Variants in C12orf56 observed in about 807,000 individuals in gnomAD.
C12orf56 encodes uncharacterized protein C12orf56.
Under a neutral mutation model 69.9 loss-of-function variants are expected in C12orf56, and 71 were observed. The ratio of observed to expected loss-of-function variants is 1.02; its 90% confidence interval spans 0.84 to 1.24. The LOEUF (loss-of-function observed/expected upper bound fraction) is 1.24, where lower values mean the gene tolerates loss of function less well. Ranked by LOEUF, C12orf56 falls within the 50% of genes most tolerant of loss-of-function variation. The probability of loss-of-function intolerance (pLI) is 0.00; values close to 1 mark genes in which losing one functional copy is unlikely to be tolerated. For synonymous variants in C12orf56, 276 were observed against 274.1 expected (o/e 1.01, Z -0.07); for missense variants, 732 against 738.5 (o/e 0.99, Z 0.10).
At chr12:64,338,522 G>T in intron 2 of C12orf56, 1 of 1,208,142 alleles carries the variant, frequency 8.3e-7, no homozygotes, top group Non-Finnish European at 1.2e-6. Context: ...CAAACCTGTG[G>T]TAAGGTCATC....
chr12:64,343,180 G>T, intron 2 of C12orf56, among the ~76,000 whole-genome samples: 1 of 152,152 alleles, frequency 6.6e-6, no homozygotes, highest in South Asian at 2.1e-4. Flanking sequence ...ATCTCGACAG[G>T]CCCCACACCA....
chr12:64,330,039 C>T (rs1313302190), intron 3 of C12orf56, among the ~76,000 whole-genome samples: 1 of 152,042 alleles, frequency 6.6e-6, no homozygotes, highest in Non-Finnish European at 1.5e-5. Context: ...TGGGTATATA[C>T]CCAGTAATGG....
chr12:64,383,738 G>T (rs1002430530), intron 1 of C12orf56, among the ~76,000 whole-genome samples: 11 of 151,780 alleles, frequency 7.2e-5, no homozygotes, highest in Admixed American at 5.9e-4. Flanking sequence ...AAAAAAAAAT[G>T]ATTAAAAAAA....
chr12:64,320,538 C>CT (rs372470158), intron 3 of C12orf56, among the ~76,000 whole-genome samples: 3 of 152,184 alleles, frequency 2.0e-5, no homozygotes, highest in African/African-American at 7.2e-5. Flanking sequence ...AGCATCAGCA[C>CT]TTTTTTCAGA....
At chr12:64,277,108 A>T (rs978094244) in intron 9 of C12orf56, among the ~76,000 whole-genome samples, 1 of 151,860 alleles carries the variant, frequency 6.6e-6, no homozygotes, top group South Asian at 2.1e-4. Flanking sequence ...TTTAAAAAAA[A>T]GTCTGTTAAC....
At chr12:64,319,959 C>T (rs1376691015) in intron 3 of C12orf56, among the ~76,000 whole-genome samples, 6 of 152,176 alleles carry the variant, frequency 3.9e-5, no homozygotes, top group South Asian at 2.1e-4. Flanking sequence ...TTTCGCTCCC[C>T]GTCCACCACT....
chr12:64,348,500 A>G (rs2039178234), intron 2 of C12orf56, among the ~76,000 whole-genome samples: 1 of 152,196 alleles, frequency 6.6e-6, no homozygotes, highest in Non-Finnish European at 1.5e-5. Context: ...CAAGTGCTTT[A>G]ACACTCTAAC....
At chr12:64,370,821 G>A (rs1328219658) in intron 1 of C12orf56, among the ~76,000 whole-genome samples, 4 of 152,078 alleles carry the variant, frequency 2.6e-5, no homozygotes, top group Non-Finnish European at 5.9e-5. Context: ...AGGTACTAAT[G>A]TGAAAACAGA....
intron 7 of C12orf56, 90 bp from the exon 8 acceptor site, chr12:64,284,843 C>T: frequency 3.3e-6 from 3 of 905,032 alleles, no homozygotes; most frequent in Non-Finnish European, 5.0e-6. Flanking sequence ...GCTAAAACTG[C>T]TTCCAGATAT....
At chr12:64,358,385 G>A (rs2039349585) in intron 1 of C12orf56, among the ~76,000 whole-genome samples, 2 of 151,660 alleles carry the variant, frequency 1.3e-5, no homozygotes, top group Admixed American at 1.3e-4. Context: ...TGGAACCCAG[G>A]AGGTGGAGAT....
At chr12:64,388,432 A>C (rs1465806867) in intron 1 of C12orf56, among the ~76,000 whole-genome samples, 1 of 151,958 alleles carries the variant, frequency 6.6e-6, no homozygotes, top group Non-Finnish European at 1.5e-5. Context: ...ATTTTTGTAG[A>C]GACGGTGTCT....
chr12:64,332,554 A>G (rs2038945488), intron 2 of C12orf56, among the ~76,000 whole-genome samples: 1 of 152,030 alleles, frequency 6.6e-6, no homozygotes, highest in South Asian at 2.1e-4. Flanking sequence ...TTCTGTCCTG[A>G]TTTCTTTGGA....
intron 2 of C12orf56, among the ~76,000 whole-genome samples, chr12:64,345,374 G>A (rs2135942986): frequency 6.6e-6 from 1 of 152,266 alleles, no homozygotes; most frequent in East Asian, 1.9e-4. Flanking sequence ...GATCAGGGAT[G>A]GGATGTTGCC....
At chr12:64,362,790 G>A (rs2039415966) in intron 1 of C12orf56, among the ~76,000 whole-genome samples, 1 of 152,074 alleles carries the variant, frequency 6.6e-6, no homozygotes, top group Non-Finnish European at 1.5e-5. Flanking sequence ...CTAAACAGAG[G>A]GTGGATTATT....
intron 2 of C12orf56, among the ~76,000 whole-genome samples, chr12:64,334,771 T>C (rs2038971876): frequency 6.6e-6 from 1 of 152,178 alleles, no homozygotes; most frequent in Non-Finnish European, 1.5e-5. Context: ...TCAGTTTAGA[T>C]TTCATTAAAC....
chr12:64,275,212 A>G (rs945102182), intron 10 of C12orf56, 86 bp downstream of exon 10: 5 of 737,754 alleles, frequency 6.8e-6, no homozygotes, highest in Admixed American at 7.0e-5. Context: ...ACATAATCAC[A>G]TAATATACAT....
intron 6 of C12orf56, among the ~76,000 whole-genome samples, chr12:64,289,040 T>G: frequency 1.6e-5 from 2 of 126,610 alleles, no homozygotes; most frequent in Non-Finnish European, 3.4e-5. Context: ...CAGTGGTTTG[T>G]AGTTCTCCTT....
chr12:64,300,425 A>T (rs1441197680), intron 6 of C12orf56, among the ~76,000 whole-genome samples: 1 of 152,144 alleles, frequency 6.6e-6, no homozygotes, highest in Non-Finnish European at 1.5e-5. Context: ...ACTGGTGCTG[A>T]TCCCATTAGG....
intron 3 of C12orf56, among the ~76,000 whole-genome samples, chr12:64,322,082 C>T (rs1029344715): frequency 1.6e-4 from 24 of 151,266 alleles, no homozygotes; most frequent in Admixed American, 7.3e-4. Context: ...TGGGCTCAAG[C>T]GATCCTCTAG....
Sources: allele counts gnomAD v4.1 joint callset (sites outside exome capture counted in the v4.1 genomes callset), GRCh38; gene constraint gnomAD v4.1.1; transcripts MANE v1.5; gene names NCBI Gene and HGNC (gene_info 2026-07-23, HGNC 2026-07-21).